Variants in OLFM1 observed in about 807,000 individuals in gnomAD.
OLFM1 encodes noelin.
In OLFM1, 9 loss-of-function variants were observed where a neutral mutation model predicts 49.7. The observed-to-expected ratio is 0.18, with a 90% CI of 0.11 to 0.32. OLFM1 has a LOEUF of 0.32. OLFM1 is among the 10% of genes least tolerant of loss of function. The probability of loss-of-function intolerance (pLI) is 1.00; values close to 1 mark genes in which losing one functional copy is unlikely to be tolerated. For synonymous variants in OLFM1, 240 were observed against 271.8 expected (o/e 0.88, Z 1.15); for missense variants, 369 against 661.8 (o/e 0.56, Z 4.85).
intron 3 of OLFM1, among the ~76,000 whole-genome samples, chr9:135,096,602 G>T (rs1257613377): frequency 6.6e-6 from 1 of 152,222 alleles, no homozygotes; most frequent in Non-Finnish European, 1.5e-5. Flanking sequence ...GAAGCCAGGG[G>T]TCTGAGATCC....
intron 5 of OLFM1, among the ~76,000 whole-genome samples, chr9:135,112,330 C>T (rs193301284): frequency 1.2e-3 from 181 of 152,338 alleles, no homozygotes; most frequent in African/African-American, 3.7e-3. Flanking sequence ...CTGTTCCCTC[C>T]AGGCTGCACT....
At chr9:135,076,853 G>C (rs759970037) in intron 1 of OLFM1, 14 of 1,550,382 alleles carry the variant, frequency 9.0e-6, no homozygotes, top group Non-Finnish European at 1.2e-5. Context: ...GAGGGCCAGA[G>C]AGCGAGAGGA....
Position 135,088,169 on chromosome 9 carries a change from G to C in OLFM1, c.150+30G>C. The C allele has an allele frequency of 1.5e-6, 2 of 1,303,850 alleles. No homozygotes were observed. Among genetic ancestry groups the C allele is most frequent in the Non-Finnish European group, 2.0e-6 (2 of 1,015,134 alleles). The allele number at this position is 1,303,850 out of a possible 1,614,324, so 80.8% of individuals were successfully genotyped here. A position where few individuals can be genotyped will look rare whatever the true frequency, so the allele number is the denominator to read the frequency against. ...GTGCGCCCGCCGGCCGCCTTGGCGC[G>C]GCTCCTCCTCCTCCTCCTCCTCCCC... On this transcript the variant is annotated intron_variant, in intron 1 of 5. Transcript: ENST00000371793. The surrounding 1 kb of genome is among the most constrained non-coding windows in gnomAD (Gnocchi z 4.8).
At chr9:135,090,398 G>T in intron 2 of OLFM1, 54 bp downstream of exon 2, 1 of 1,563,690 alleles carries the variant, frequency 6.4e-7, no homozygotes, top group Non-Finnish European at 8.7e-7. Context: ...GTGTGTGTGT[G>T]TGTGTGTGTA....
rs1830828762 is a variant in OLFM1, at chr9:135,098,509, G to C, written c.676+4G>C. On this transcript the variant is annotated splice_donor_region_variant and intron_variant, in intron 4 of 5. Coordinates refer to ENST00000371793, the MANE Select transcript of OLFM1 (RefSeq NM_001282611.2). The surrounding 1 kb of genome is among the most constrained non-coding windows in gnomAD (Gnocchi z 5.6). ...CGTGCATGCATGCAAAAACTAGGTA[G>C]GCCCAGTACCCTGCGGGACGTGGCG... 6.2e-7 allele frequency: 1 copy of C among 1,611,088 alleles called. No homozygotes were observed. The highest frequency in any genetic ancestry group is 1.3e-5 in the African/African-American group (1 of 74,894).
intron 3 of OLFM1, among the ~76,000 whole-genome samples, chr9:135,097,425 G>A (rs1024441033): frequency 8.5e-5 from 13 of 152,140 alleles, no homozygotes; most frequent in Admixed American, 8.5e-4. Context: ...TCCCTTCTCT[G>A]CGGCCAGCAG....
chr9:135,110,498 A>G (rs1831006582), intron 5 of OLFM1, among the ~76,000 whole-genome samples: 1 of 152,218 alleles, frequency 6.6e-6, no homozygotes, highest in African/African-American at 2.4e-5. Flanking sequence ...TCATCTAAAC[A>G]GCGTCAAGGC....
At chr9:135,077,515 A>C (rs1830482830) in intron 1 of OLFM1, 1 of 317,036 alleles carries the variant, frequency 3.2e-6, no homozygotes, top group African/African-American at 2.1e-5. Context: ...GGTGCTGGAC[A>C]TCCGAACCCC....
intron 5 of OLFM1, among the ~76,000 whole-genome samples, chr9:135,107,243 G>A (rs1002806654): frequency 3.9e-5 from 6 of 152,244 alleles, no homozygotes; most frequent in Non-Finnish European, 7.3e-5. Flanking sequence ...TCTGCTTCAG[G>A]AAGAGAATTC....
At chr9:135,089,205 G>A (rs1830646011) in intron 1 of OLFM1, among the ~76,000 whole-genome samples, 1 of 152,184 alleles carries the variant, frequency 6.6e-6, no homozygotes, top group African/African-American at 2.4e-5. Flanking sequence ...ACTTTGTTCC[G>A]GCCTGCCGGT....
chr9:135,110,631 T>C (rs1189782313), intron 5 of OLFM1, among the ~76,000 whole-genome samples: 1 of 152,122 alleles, frequency 6.6e-6, no homozygotes, highest in Non-Finnish European at 1.5e-5. Context: ...GCAATAAACA[T>C]CAACGCCCCT....
chr9:135,084,717 C>G (rs1478900950), upstream of OLFM1, among the ~76,000 whole-genome samples: 1 of 152,124 alleles, frequency 6.6e-6, no homozygotes, highest in Non-Finnish European at 1.5e-5. This position sits in a 1 kb window ranked among gnomAD's most constrained non-coding sequence, Gnocchi z 4.6. Flanking sequence ...AACCGGGCAT[C>G]CAAACTTTGT....
At chr9:135,076,139 G>A in intron 1 of OLFM1, 1 of 1,549,728 alleles carries the variant, frequency 6.5e-7, no homozygotes, top group East Asian at 2.4e-5. Context: ...ATCTGGAGGG[G>A]GAAGAGTGAG....
chr9:135,117,365 C>T lies in OLFM1; in HGVS notation c.784-2139C>T, dbSNP rs1423617082. Among the ~76,000 whole-genome samples, 4 of 152,214 alleles carry T rather than the reference C, an allele frequency of 2.6e-5. No homozygotes were observed. Among genetic ancestry groups the T allele is most frequent in the South Asian group, 2.1e-4 (1 of 4,832 alleles). On this transcript the variant is annotated intron_variant, in intron 5 of 5. Transcript: ENST00000371793. The surrounding 1 kb of genome is among the most constrained non-coding windows in gnomAD (Gnocchi z 5.5). Reference sequence around the variant, plus strand: ...AGGGGTGACAATGAGTGATTACACTCACAGCATCCCAAATGCCAAATTAAT... The same window carrying T: ...AGGGGTGACAATGAGTGATTACACTTACAGCATCCCAAATGCCAAATTAAT...
At chr9:135,110,321 A>G (rs550173920) in intron 5 of OLFM1, among the ~76,000 whole-genome samples, 3 of 152,134 alleles carry the variant, frequency 2.0e-5, no homozygotes, top group Admixed American at 6.5e-5. Flanking sequence ...CCCGCTTCCT[A>G]TAAAAGTCTC....
At chr9:135,109,169 A>G (rs892847481) in intron 5 of OLFM1, among the ~76,000 whole-genome samples, 7 of 152,172 alleles carry the variant, frequency 4.6e-5, no homozygotes, top group African/African-American at 1.7e-4. Context: ...CTCTGTCTGT[A>G]TCTAACGCCA....
chr9:135,079,276 G>C (rs1371778286), intron 1 of OLFM1, among the ~76,000 whole-genome samples: 1 of 152,278 alleles, frequency 6.6e-6, no homozygotes, highest in Non-Finnish European at 1.5e-5. Context: ...GAGGATATTT[G>C]ATCTGGGTCC....
In OLFM1 at chr9:135,098,586, TG is replaced by T; in HGVS notation, c.676+83del. 8 of 1,319,262 alleles carry T rather than the reference TG, an allele frequency of 6.1e-6. No homozygotes were observed. Among genetic ancestry groups the T allele is most frequent in the Non-Finnish European group, 8.6e-6 (8 of 929,844 alleles). 81.7% of individuals were successfully genotyped at this position (1,319,262 alleles called of 1,614,324 possible). On this transcript the variant is annotated intron_variant, in intron 4 of 5. Transcript: ENST00000371793. This position sits in a 1 kb window ranked among gnomAD's most constrained non-coding sequence, Gnocchi z 5.6. ...ACAGGCTTAGGGAGTGGTGCTGAAG[TG>T]GACAGCGCCCGCCTGGCTTCGCGAG...
Position 135,088,064 on chromosome 9 carries a change from G to T in OLFM1, c.75G>T (p.Thr25=). ...TGATCACTAACTGGATGTCCCAGAC[G>T]CTGCCCTCGCTGGTGGGCCTCAACA... ...MAMITNWMSQ[T]LPSLVGLNTT... The change falls in exon 1 of 6, where the codon ACG becomes ACT. Residue 25 remains threonine (T), a synonymous_variant. Coordinates refer to ENST00000371793, the MANE Select transcript of OLFM1 (RefSeq NM_001282611.2). The surrounding 1 kb of genome is among the most constrained non-coding windows in gnomAD (Gnocchi z 4.8). 1 of 1,448,724 alleles carries T rather than the reference G, an allele frequency of 6.9e-7. No individual in the cohort carries two copies. The highest frequency in any genetic ancestry group is 9.2e-7 in the Non-Finnish European group (1 of 1,088,532). 89.7% of individuals were successfully genotyped at this position (1,448,724 alleles called of 1,614,324 possible).
Sources: gnomAD v4.1 joint callset for allele counts (sites outside exome capture counted in the v4.1 genomes callset) on GRCh38, gnomAD v4.1.1 for gene constraint, Gnocchi (gnomAD v3.1) non-coding constraint, MANE v1.5 for transcripts, NCBI Gene and HGNC (gene_info 2026-07-23, HGNC 2026-07-21) for gene names.